The following MITD1 variants were observed in gnomAD, a reference collection of about 807,000 sequenced individuals.
The protein encoded by MITD1 is microtubule interacting and trafficking domain containing 1.
A neutral mutation model predicts 34.9 loss-of-function variants in MITD1; 24 were observed. The ratio of observed to expected loss-of-function variants is 0.69; its 90% CI spans 0.50 to 0.97. The LOEUF (loss-of-function observed/expected upper bound fraction) is 0.97, where lower values mean the gene tolerates loss of function less well. Among genes scored for constraint, MITD1 ranks in the 50% least tolerant of loss-of-function variants. The pLI, the probability that MITD1 is intolerant of heterozygous loss-of-function variation, is 0.00. For missense variants in MITD1, 266 were observed against 294.6 expected (o/e 0.90, Z 0.71); for synonymous variants, 102 against 101.4 (o/e 1.01, Z -0.04).
rs946120754 is a variant in MITD1 at position 99,170,619 on chromosome 2, G to T, written c.511C>A (p.Gln171Lys). ...IEQVQQSRGL[Q>K]EIEESLRSHG... ...CTCCTGAGTGACTCTTCTATTTCTT[G>T]CAGGCCTCTACTTTGCTGCACTTGC... The change falls in exon 5 of 7, where the codon CAA (glutamine) becomes AAA (lysine). Residue 171 changes from glutamine to lysine, a missense_variant. By Grantham distance (53) the Gln-to-Lys change is moderately conservative. Coordinates refer to ENST00000289359, the MANE Select transcript of MITD1 (RefSeq NM_138798.3). 2.5e-6 allele frequency: 4 copies of T among 1,606,740 alleles called. No individual in the cohort carries two copies. The highest frequency in any genetic ancestry group is 2.6e-6 in the Non-Finnish European group (3 of 1,174,286).
At chr2:99,173,737 CA>C (rs1381792089) in intron 2 of MITD1, 177 bp downstream of exon 2, 9 of 628,304 alleles carry the variant, frequency 1.4e-5, no homozygotes, top group Admixed American at 5.8e-5. Context: ...AACAAACAAA[CA>C]AACAAAAAAT....
intron 7 of MITD1, chr2:99,163,217 C>T (rs1214940789): frequency 1.9e-6 from 1 of 518,018 alleles, no homozygotes. Context: ...TAGTCTCTTT[C>T]AGTAACTTCT....
At position 99,169,390 on chromosome 2, in the gene MITD1, A is replaced by G. The variant is rs145871989; in HGVS notation, c.735T>C (p.His245=). ...ETTVDIFHKK[H]TKNI ...CTACCACCCATCATATATTTTTTGT[A>G]TGCTTCTTATGAAAAATGTCTACTG... is the stretch of plus-strand genomic sequence containing the variant. Residue 245 remains histidine, a synonymous_variant, in exon 7 of 7, where the codon CAT becomes CAC. Coordinates refer to ENST00000289359, the MANE Select transcript of MITD1 (RefSeq NM_138798.3). 9.3e-5 allele frequency: 134 copies of G among 1,447,760 alleles called. No homozygotes were observed. In the African/African-American group the frequency reaches 1.7e-3, roughly 19 times the overall value. 89.7% of individuals were successfully genotyped at this position (1,447,760 alleles called of 1,614,324 possible). A position where few individuals can be genotyped will look rare whatever the true frequency, so the allele number is the denominator to read the frequency against.
intron 7 of MITD1, among the ~76,000 whole-genome samples, chr2:99,164,161 T>C (rs914396891): frequency 1.3e-5 from 2 of 152,244 alleles, no homozygotes; most frequent in African/African-American, 4.8e-5. Context: ...AATTCATCTC[T>C]GGTTGAGTTC....
chr2:99,162,544 C>G (rs746115042), intron 7 of MITD1: 1 of 1,614,150 alleles, frequency 6.2e-7, no homozygotes, highest in Non-Finnish European at 8.5e-7. Context: ...CTAAAGAGCC[C>G]TTACCAAGGG....
chr2:99,171,317 A>G, intron 4 of MITD1, 26 bp downstream of exon 4: 1 of 1,531,618 alleles, frequency 6.5e-7, no homozygotes, highest in Non-Finnish European at 9.0e-7. Context: ...GTTAATAAGA[A>G]AGAGTAAGTG....
rs765793183 is a variant in MITD1 at position 99,173,959 on chromosome 2, TC to T, written c.208del (p.Asp70ThrfsTer6). 1.9e-6 allele frequency: 3 copies of T among 1,609,640 alleles called. No homozygotes were observed. The highest frequency in any genetic ancestry group is 2.5e-6 in the Non-Finnish European group (3 of 1,176,776). On this transcript the variant is annotated frameshift_variant, in exon 2 of 7. Transcript: ENST00000289359. LOFTEE classifies it high-confidence loss of function. ...GTACTTCTTTATGTTTTCCGCTCTG[TC>T]CATGTATTTGGAAATTTTTTCTCTG... is the stretch of plus-strand genomic sequence containing the variant. ...NLREKISKYMDRAENIKKYLD... is the reference protein window; with the variant it reads ...NLREKISKYMXRAENIKKYLD...
chr2:99,173,858 G>T, intron 2 of MITD1, 57 bp downstream of exon 2: 2 of 1,069,878 alleles, frequency 1.9e-6, no homozygotes, highest in South Asian at 1.3e-5. Context: ...CAGAAACATT[G>T]GGTGAATGGA....
At chr2:99,170,793 C>T (rs1175476336) in intron 4 of MITD1, 141 bp from the exon 5 acceptor site, 2 of 462,664 alleles carry the variant, frequency 4.3e-6, no homozygotes, top group East Asian at 3.1e-5. Context: ...CTCAAAAAAA[C>T]AACCAATGTG....
At chr2:99,178,492 A>G (rs2931505) in intron 1 of MITD1, among the ~76,000 whole-genome samples, 1 of 152,226 alleles carries the variant, frequency 6.6e-6, no homozygotes, top group Non-Finnish European at 1.5e-5. Context: ...TCTATTGTTC[A>G]AGTAGGAAGA....
At chr2:99,172,459 CAG>C (rs1361250601) in intron 2 of MITD1, 2 of 151,328 alleles carry the variant, frequency 1.3e-5, no homozygotes, top group South Asian at 2.1e-4. Context: ...CAGTTTTAAA[CAG>C]AAATTTATAG....
chr2:99,173,188 G>T, intron 2 of MITD1: 1 of 197,806 alleles, frequency 5.1e-6, no homozygotes, highest in Non-Finnish European at 1.1e-5. Flanking sequence ...GGTCCCCAGG[G>T]TATGTACTGA....
At chr2:99,177,389 TATC>T (rs1234278393) in intron 1 of MITD1, among the ~76,000 whole-genome samples, 6 of 152,210 alleles carry the variant, frequency 3.9e-5, no homozygotes, top group Non-Finnish European at 7.3e-5. Context: ...TTCAGGCCCT[TATC>T]ATGCCTCATC....
chr2:99,166,879 AT>A (rs2093829634), downstream of MITD1, among the ~76,000 whole-genome samples: 1 of 142,676 alleles, frequency 7.0e-6, no homozygotes, highest in African/African-American at 2.6e-5. Flanking sequence ...ATATATATAT[AT>A]ATATATATAT....
downstream of MITD1, among the ~76,000 whole-genome samples, chr2:99,165,176 TC>T (rs2093822590): frequency 6.6e-6 from 1 of 152,100 alleles, no homozygotes; most frequent in African/African-American, 2.4e-5. Context: ...CAAGTGATCT[TC>T]CTGTCTCAGC....
downstream of MITD1, among the ~76,000 whole-genome samples, chr2:99,167,681 A>G (rs149527551): frequency 0.011 from 1,631 of 152,290 alleles, 9 homozygotes; most frequent in Middle Eastern, 0.027. Context: ...TCCACGTGGC[A>G]TCGGGTACTG....
At chr2:99,173,422 T>G (rs939974118) in intron 2 of MITD1, 1 of 464,016 alleles carries the variant, frequency 2.2e-6, no homozygotes, top group Non-Finnish European at 4.5e-6. Context: ...ACCTGACCTC[T>G]AATCATTAGG....
At position 99,180,972 on chromosome 2, in the gene MITD1, A is replaced by T; in HGVS notation, c.10T>A (p.Ser4Thr). ...CTCTGCGGGTCCTGCCTCAGCCCGG[A>T]CTTCGCCATAATTCTGGAAGTTCTC... MAK[S>T]GLRQDPQSTA... Residue 4 changes from serine to threonine, a missense_variant, in exon 1 of 7, where the codon TCC becomes ACC. Coordinates refer to ENST00000289359, the MANE Select transcript of MITD1 (RefSeq NM_138798.3). The T allele has an allele frequency of 6.2e-7, 1 of 1,613,346 alleles. No homozygotes were observed. Among genetic ancestry groups the T allele is most frequent in the Non-Finnish European group, 8.5e-7 (1 of 1,179,644 alleles).
chr2:99,165,078 A>AT (rs2093822202), downstream of MITD1, among the ~76,000 whole-genome samples: 1 of 147,548 alleles, frequency 6.8e-6, no homozygotes, highest in African/African-American at 2.5e-5. Context: ...ATATAGTCTT[A>AT]TTTTTTTGAG....
Sources: gnomAD v4.1 joint callset for allele counts (sites outside exome capture counted in the v4.1 genomes callset) on GRCh38, gnomAD v4.1.1 for gene constraint, MANE v1.5 for transcripts, NCBI Gene and HGNC (gene_info 2026-07-23, HGNC 2026-07-21) for gene names.